Variants in AGAP6 observed in about 807,000 individuals in gnomAD.
AGAP6 encodes the protein arf-GAP with GTPase, ANK repeat and PH domain-containing protein 6.
A neutral mutation model predicts 63.9 loss-of-function variants in AGAP6; 29 were observed. That is an observed-to-expected ratio of 0.45 (90% CI 0.34 to 0.62). AGAP6 has a LOEUF of 0.62. Among genes scored for constraint, AGAP6 ranks in the 20% least tolerant of loss-of-function variants. AGAP6 has a pLI of 0.01. For missense variants in AGAP6, 493 were observed against 884.9 expected (o/e 0.56, Z 5.62); for synonymous variants, 199 against 332.9 (o/e 0.60, Z 4.38).
chr10:49,989,392 C>T lies in AGAP6; in HGVS notation c.292+16C>T, dbSNP rs1841178190. The T allele has an allele frequency of 2.5e-6, 4 of 1,597,444 alleles. No homozygotes were observed. The East Asian group carries it at 8.9e-5, about 36-fold the overall frequency. On this transcript the variant is annotated intron_variant, in intron 2 of 7. Coordinates refer to ENST00000412531, the MANE Select transcript of AGAP6 (RefSeq NM_001077665.3). Reference sequence around the variant, plus strand: ...CAAACAGAAGGTGAGACAACAGTGTCTGTAGCTCTATTTATTATCCTGTGG... The same window carrying T: ...CAAACAGAAGGTGAGACAACAGTGTTTGTAGCTCTATTTATTATCCTGTGG...
chr10:49,988,422 A>G lies in AGAP6; in HGVS notation c.-294A>G, dbSNP rs1841118910. The G allele has an allele frequency of 7.4e-7, 1 of 1,346,058 alleles. No individual in the cohort carries two copies. The highest frequency in any genetic ancestry group is 2.9e-5 in the East Asian group (1 of 34,880). The allele number at this position is 1,346,058 out of a possible 1,614,324, so 83.4% of individuals were successfully genotyped here. ...AACTCCGTCTGTTCTCTCTTCAGGC[A>G]GTTGTTGTGTCTCTCAGCGCTTGTT... On this transcript the variant is annotated 5_prime_UTR_variant, in exon 1 of 8. Transcript: ENST00000412531.
intron 3 of AGAP6, among the ~76,000 whole-genome samples, chr10:49,993,709 A>T (rs1554861509): frequency 6.6e-6 from 1 of 151,906 alleles, no homozygotes; most frequent in Non-Finnish European, 1.5e-5. Context: ...ACTCCCAGCT[A>T]ATCAGGAGGC....
rs1842019715 is a variant in AGAP6 at position 50,009,130 on chromosome 10, A to G, written c.1005A>G (p.Thr335=). 4 of 1,614,062 alleles carry G rather than the reference A, an allele frequency of 2.5e-6. No individual in the cohort carries two copies. Among genetic ancestry groups the G allele is most frequent in the East Asian group, 2.2e-5 (1 of 44,884 alleles). Residue 335 remains threonine, a synonymous_variant, in exon 8 of 8, where the codon ACA becomes ACG. Coordinates refer to ENST00000412531, the MANE Select transcript of AGAP6 (RefSeq NM_001077665.3). ...ATAAAAAAGAGATTGACCTTCAGAC[A>G]TCTACCATCAAAGTCCCAGGAAAGT... is the stretch of plus-strand genomic sequence containing the variant. The part of the protein sequence containing the change: ...NIHKKEIDLQ[T]STIKVPGKWP...
At chr10:49,991,576 G>A (rs1841281619) in intron 2 of AGAP6, 100 bp from the exon 3 acceptor site, 1 of 1,472,552 alleles carries the variant, frequency 6.8e-7, no homozygotes, top group African/African-American at 1.4e-5. Flanking sequence ...AATCAAAGTA[G>A]AGATAGTGAA....
chr10:49,989,205 A>T, intron 1 of AGAP6, 103 bp from the exon 2 acceptor site: 1 of 1,540,310 alleles, frequency 6.5e-7, no homozygotes, highest in East Asian at 2.3e-5. Flanking sequence ...GCATGGGACC[A>T]TTTATTTATG....
At chr10:49,991,361 C>T (rs1554860830) in intron 2 of AGAP6, among the ~76,000 whole-genome samples, 1 of 147,664 alleles carries the variant, frequency 6.8e-6, no homozygotes, top group East Asian at 2.0e-4. Flanking sequence ...TTAGACAACT[C>T]AAAGCCAAAA....
rs1473379620 is a variant in AGAP6, at chr10:50,002,040, A to G, written c.441A>G (p.Thr147=). The change falls in exon 5 of 8, where the codon ACA becomes ACG. Residue 147 remains threonine (T), a synonymous_variant. Coordinates refer to ENST00000412531, the MANE Select transcript of AGAP6 (RefSeq NM_001077665.3). ...GTCAACAATACAGCTTGTGTTCGAC[A>G]ATATTCCTTGATGACAGCACAGCCA... ...RFSQQYSLCS[T]IFLDDSTAIQ... 3 of 1,612,478 alleles carry G rather than the reference A, an allele frequency of 1.9e-6. No homozygotes were observed. Among genetic ancestry groups the G allele is most frequent in the Non-Finnish European group, 2.5e-6 (3 of 1,179,964 alleles).
chr10:49,990,914 G>T (rs1318118543), intron 2 of AGAP6, among the ~76,000 whole-genome samples: 8 of 151,914 alleles, frequency 5.3e-5, no homozygotes, highest in Non-Finnish European at 1.2e-4. Flanking sequence ...TATACACAAA[G>T]CATGTAAGTA....
rs561747694 is a variant in AGAP6, at chr10:49,999,248, A to G, written c.397-2748A>G. ...GAGCGAGACTCCATCTCAAAAAAAA[A>G]AAAAGATAATCCACCATGATCAAAT... On this transcript the variant is annotated intron_variant, in intron 4 of 7. Transcript: ENST00000412531. Among the ~76,000 whole-genome samples, 123 of 138,766 alleles carry G rather than the reference A, an allele frequency of 8.9e-4. 13 individuals carry two copies. The highest frequency in any genetic ancestry group is 1.5e-3 in the Non-Finnish European group (100 of 65,610). The allele number at this position is 138,766 out of a possible 152,430, so 91.0% of individuals were successfully genotyped here. A position where few individuals can be genotyped will look rare whatever the true frequency, so the allele number is the denominator to read the frequency against.
In AGAP6 at chr10:49,988,929, A is replaced by T; in HGVS notation, c.214A>T (p.Met72Leu). 1.9e-6 allele frequency: 3 copies of T among 1,601,090 alleles called. No homozygotes were observed. The highest frequency in any genetic ancestry group is 2.5e-6 in the Non-Finnish European group (3 of 1,179,282). The change falls in exon 1 of 8, where the codon ATG becomes TTG. Residue 72 changes from methionine (M) to leucine (L), a missense_variant. Met to Leu is a conservative substitution (Grantham distance 15). Around this residue, in one of 7 missense-constraint regions of AGAP6, gnomAD observed 342 missense variants for 533.4 expected, o/e 0.64. Transcript: ENST00000412531. ...LHMHHVRDRE[M>L]PEALEFNLSA... Reference sequence around the variant, plus strand: ...CATGCACCACGTTCGTGACCGGGAGATGCCTGAAGGTGAGGAGGTGATAGG... The same window carrying T: ...CATGCACCACGTTCGTGACCGGGAGTTGCCTGAAGGTGAGGAGGTGATAGG...
chr10:49,990,195 TTGGGAGGCTG>T (rs1841213591), intron 2 of AGAP6, among the ~76,000 whole-genome samples: 1 of 152,158 alleles, frequency 6.6e-6, no homozygotes, highest in Non-Finnish European at 1.5e-5. Flanking sequence ...TCCCAGCACT[TTGGGAGGCTG>T]TGGCAGGCAG....
intron 2 of AGAP6, 120 bp downstream of exon 2, chr10:49,989,496 T>G (rs1841184794): frequency 6.8e-7 from 1 of 1,474,280 alleles, no homozygotes; most frequent in Non-Finnish European, 9.1e-7. Flanking sequence ...TCAGTACCCA[T>G]CTTATTTTTT....
chr10:49,990,329 C>T (rs1305109737), intron 2 of AGAP6, among the ~76,000 whole-genome samples: 1 of 152,086 alleles, frequency 6.6e-6, no homozygotes, highest in Non-Finnish European at 1.5e-5. Flanking sequence ...ACTGTAGTTC[C>T]AGCTACTCAC....
intron 6 of AGAP6, among the ~76,000 whole-genome samples, chr10:50,005,194 C>G (rs1187132797): frequency 1.3e-5 from 2 of 152,184 alleles, no homozygotes; most frequent in Non-Finnish European, 2.9e-5. Flanking sequence ...TGAAAAATAA[C>G]TTTTCTACAA....
intron 6 of AGAP6, among the ~76,000 whole-genome samples, chr10:50,007,223 C>A (rs1841940952): frequency 1.3e-5 from 2 of 148,606 alleles, no homozygotes; most frequent in African/African-American, 2.5e-5. Context: ...GAAACCACAT[C>A]TCTACTAAAA....
At chr10:50,008,669 C>T in intron 7 of AGAP6, 42 bp from the exon 8 acceptor site, 1 of 1,614,026 alleles carries the variant, frequency 6.2e-7, no homozygotes, top group Non-Finnish European at 8.5e-7. Context: ...CTGCAAGCCA[C>T]TACCCAATTT....
rs77477760 is a variant in AGAP6, at chr10:50,009,181, C to T, written c.1056C>T (p.Cys352=). 1 of 1,614,262 alleles carries T rather than the reference C, an allele frequency of 6.2e-7. No homozygotes were observed. Among genetic ancestry groups the T allele is most frequent in the Non-Finnish European group, 8.5e-7 (1 of 1,180,048 alleles). ...GGCCATCCCTAGCCACATCGGCCTG[C>T]ACACCCATCTCCAGCTCTAAAAGCA... is the stretch of plus-strand genomic sequence containing the variant. The part of the protein sequence containing the change: ...GKWPSLATSA[C]TPISSSKSNG... The change falls in exon 8 of 8, where the codon TGC becomes TGT. Residue 352 remains cysteine (C), a synonymous_variant. Transcript: ENST00000412531.
intron 3 of AGAP6, among the ~76,000 whole-genome samples, chr10:49,993,454 T>TAAAA (rs1841360951): frequency 6.9e-6 from 1 of 145,670 alleles, no homozygotes; most frequent in Admixed American, 6.8e-5. Flanking sequence ...GGCCTCTTTT[T>TAAAA]AGAGGAAAAA....
chr10:49,996,925 T>G (rs1287856913), intron 4 of AGAP6, among the ~76,000 whole-genome samples: 3 of 148,164 alleles, frequency 2.0e-5, no homozygotes, highest in African/African-American at 7.5e-5. Flanking sequence ...GTCTCAGCAT[T>G]TATTAAAAAT....
Sources: allele counts gnomAD v4.1 joint callset (sites outside exome capture counted in the v4.1 genomes callset), GRCh38; gene constraint gnomAD v4.1.1; regional missense constraint gnomAD v4.1.1; transcripts MANE v1.5; gene names NCBI Gene and HGNC (gene_info 2026-07-23, HGNC 2026-07-21).